Variants in SEMA3E observed in about 807,000 individuals in gnomAD.
SEMA3E encodes semaphorin 3E, also known as semaphorin-3E.
SEMA3E carries 49 observed loss-of-function variants against 93.6 expected under a neutral mutation model. The observed-to-expected ratio is 0.52, with a 90% CI of 0.42 to 0.66. The LOEUF (loss-of-function observed/expected upper bound fraction) is 0.66. Among genes scored for constraint, SEMA3E ranks in the 30% least tolerant of loss-of-function variants. The probability of loss-of-function intolerance (pLI) is 0.00; values close to 1 mark genes in which losing one functional copy is unlikely to be tolerated. For synonymous variants in SEMA3E, 363 were observed against 330.7 expected (o/e 1.10, Z -1.06); for missense variants, 906 against 964.8 (o/e 0.94, Z 0.81).
intron 16 of SEMA3E, among the ~76,000 whole-genome samples, chr7:83,369,693 A>G (rs139747541): frequency 1.3e-5 from 2 of 152,278 alleles, no homozygotes; most frequent in African/African-American, 4.8e-5. Flanking sequence ...TCTTCACCAC[A>G]TAGAAACAAT....
intron 1 of SEMA3E, among the ~76,000 whole-genome samples, chr7:83,590,471 T>A (rs1246042225): frequency 6.6e-6 from 1 of 152,174 alleles, no homozygotes; most frequent in Non-Finnish European, 1.5e-5. Flanking sequence ...CTATTTTGTC[T>A]GAGTGTTCAC....
chr7:83,398,698 C>T (rs1488386369), intron 11 of SEMA3E, among the ~76,000 whole-genome samples: 1 of 152,130 alleles, frequency 6.6e-6, no homozygotes, highest in Non-Finnish European at 1.5e-5. Context: ...AATACCAGCA[C>T]TTTGGGAGGC....
chr7:83,528,964 A>C (rs1791227627), intron 1 of SEMA3E, among the ~76,000 whole-genome samples: 1 of 152,126 alleles, frequency 6.6e-6, no homozygotes, highest in Non-Finnish European at 1.5e-5. Flanking sequence ...AGATGATGAA[A>C]GTGTCATATC....
chr7:83,432,736 T>C (rs1788915650), intron 4 of SEMA3E, among the ~76,000 whole-genome samples: 2 of 152,176 alleles, frequency 1.3e-5, no homozygotes, highest in Admixed American at 6.5e-5. Context: ...CAAAGAGAAC[T>C]TGATCATTTT....
intron 1 of SEMA3E, among the ~76,000 whole-genome samples, chr7:83,538,545 G>C (rs147633191): frequency 0.015 from 2,270 of 152,120 alleles, 36 homozygotes; most frequent in African/African-American, 0.041. Flanking sequence ...CCTCCAGTAG[G>C]CATATGCACA....
At chr7:83,539,443 T>C (rs1378469416) in intron 1 of SEMA3E, among the ~76,000 whole-genome samples, 1 of 152,160 alleles carries the variant, frequency 6.6e-6, no homozygotes, top group African/African-American at 2.4e-5. Flanking sequence ...CAAATCTTCC[T>C]ATGTAGAGCG....
At chr7:83,429,314 G>C (rs1025013119) in intron 4 of SEMA3E, among the ~76,000 whole-genome samples, 1 of 152,012 alleles carries the variant, frequency 6.6e-6, no homozygotes. Context: ...CACTTCCCTT[G>C]TGTATCCTCT....
intron 2 of SEMA3E, 57 bp from the exon 3 acceptor site, chr7:83,469,359 G>A (rs1789842027): frequency 1.7e-6 from 2 of 1,182,264 alleles, no homozygotes; most frequent in Non-Finnish European, 1.3e-6. Flanking sequence ...AAACCACACT[G>A]AAAACCATTT....
intron 1 of SEMA3E, among the ~76,000 whole-genome samples, chr7:83,577,893 CA>C (rs1792440880): frequency 6.6e-6 from 1 of 151,844 alleles, no homozygotes; most frequent in African/African-American, 2.4e-5. Flanking sequence ...TTAACAATAG[CA>C]AAAATGTCTT....
At chr7:83,533,841 C>T (rs1222055617) in intron 1 of SEMA3E, among the ~76,000 whole-genome samples, 25 of 152,090 alleles carry the variant, frequency 1.6e-4, no homozygotes, top group Admixed American at 1.6e-3. Context: ...CCAGGCACAG[C>T]TGACTGGGAA....
At chr7:83,462,305 G>A (rs959076776) in intron 4 of SEMA3E, 3 of 152,076 alleles carry the variant, frequency 2.0e-5, no homozygotes, top group East Asian at 3.9e-4. Flanking sequence ...AACTGTTGTG[G>A]GTATTGACAG....
chr7:83,465,437 C>T (rs1001687420), intron 4 of SEMA3E, among the ~76,000 whole-genome samples: 4 of 145,400 alleles, frequency 2.8e-5, no homozygotes, highest in African/African-American at 1.1e-4. Context: ...GTAGTTAAAG[C>T]ACGGGCTCTC....
chr7:83,547,856 CAT>C (rs1791683271), intron 1 of SEMA3E, among the ~76,000 whole-genome samples: 1 of 152,006 alleles, frequency 6.6e-6, no homozygotes, highest in Non-Finnish European at 1.5e-5. Flanking sequence ...CTAAAGCAGA[CAT>C]ATGAAAAAGT....
intron 1 of SEMA3E, among the ~76,000 whole-genome samples, chr7:83,638,150 T>A (rs1240942612): frequency 6.6e-6 from 1 of 152,350 alleles, no homozygotes; most frequent in Non-Finnish European, 1.5e-5. Flanking sequence ...CTGTGCACTC[T>A]GAAATGAATT....
chr7:83,385,479 G>T, intron 15 of SEMA3E, 46 bp from the exon 16 acceptor site: 6 of 1,595,664 alleles, frequency 3.8e-6, no homozygotes, highest in Non-Finnish European at 5.2e-6. Flanking sequence ...AGATTTTATA[G>T]GTAAATAAAT....
chr7:83,399,567 T>A (rs1788196157), intron 11 of SEMA3E, among the ~76,000 whole-genome samples: 1 of 152,192 alleles, frequency 6.6e-6, no homozygotes. Flanking sequence ...GCTGGGAAAC[T>A]GACAGAACTA....
At chr7:83,572,874 A>G (rs1340748739) in intron 1 of SEMA3E, among the ~76,000 whole-genome samples, 1 of 152,172 alleles carries the variant, frequency 6.6e-6, no homozygotes, top group Admixed American at 6.5e-5. Flanking sequence ...AATTAACTCA[A>G]GATAGATTAA....
chr7:83,386,646 A>C (rs1283847601), intron 15 of SEMA3E, among the ~76,000 whole-genome samples: 2 of 152,154 alleles, frequency 1.3e-5, no homozygotes, highest in Non-Finnish European at 2.9e-5. Context: ...AACATGGTGA[A>C]GATAGTCCCC....
chr7:83,484,104 C>A (rs1790204391), intron 2 of SEMA3E, among the ~76,000 whole-genome samples: 2 of 152,078 alleles, frequency 1.3e-5, no homozygotes, highest in South Asian at 4.1e-4. Flanking sequence ...TTTCCTTTAC[C>A]TTCTTGCTCT....
Sources: allele counts gnomAD v4.1 joint callset (sites outside exome capture counted in the v4.1 genomes callset), GRCh38; gene constraint gnomAD v4.1.1; transcripts MANE v1.5; gene names NCBI Gene and HGNC (gene_info 2026-07-23, HGNC 2026-07-21).